Variants in LRRTM4 observed in about 807,000 individuals in gnomAD.
LRRTM4 encodes the protein leucine-rich repeat transmembrane neuronal protein 4.
A neutral mutation model predicts 47.6 loss-of-function variants in LRRTM4; 25 were observed. The observed-to-expected ratio is 0.53, with a 90% CI of 0.38 to 0.73. The LOEUF (loss-of-function observed/expected upper bound fraction) is 0.73, where lower values mean the gene tolerates loss of function less well. Ranked by LOEUF, LRRTM4 falls within the 30% of genes least tolerant of loss-of-function variation. The pLI, the probability that LRRTM4 is intolerant of heterozygous loss-of-function variation, is 0.00. For missense variants in LRRTM4, 638 were observed against 713.4 expected, an observed-to-expected ratio of 0.89 and a Z score of 1.20; for synonymous variants, 311 against 269.5, an observed-to-expected ratio of 1.15 and a Z score of -1.51.
chr2:77,085,873 G>A (rs796405898), intron 3 of LRRTM4, among the ~76,000 whole-genome samples: 1 of 152,066 alleles, frequency 6.6e-6, no homozygotes, highest in South Asian at 2.1e-4. Flanking sequence ...ATCTTTTAAA[G>A]ATTTCCTGTT....
chr2:76,797,465 G>C (rs928094197), intron 3 of LRRTM4, among the ~76,000 whole-genome samples: 1 of 151,890 alleles, frequency 6.6e-6, no homozygotes, highest in African/African-American at 2.4e-5. Flanking sequence ...CCTGAAGAAA[G>C]CACTAAACAT....
intron 3 of LRRTM4, 37 bp downstream of exon 3, chr2:77,518,281 G>C: frequency 2.0e-6 from 3 of 1,526,476 alleles, no homozygotes; most frequent in South Asian, 1.3e-5. Context: ...CTCCTTCCCC[G>C]CAGTAGAAAT....
At position 77,112,489 on chromosome 2, in the gene LRRTM4, T is replaced by G. The variant is rs1572973761; in HGVS notation, c.1552-363573A>C. Reference sequence around the variant, plus strand: ...TTGAAAGTAAGAGTAATTTTATCTTTTATATTGCTTCTGCAATTAATAAAT... The same window carrying G: ...TTGAAAGTAAGAGTAATTTTATCTTGTATATTGCTTCTGCAATTAATAAAT... On this transcript the variant is annotated intron_variant, in intron 3 of 3. Transcript: ENST00000409884. Among the ~76,000 whole-genome samples the G allele has an allele frequency of 2.6e-5, 4 of 152,182 alleles. No homozygotes were observed. The East Asian group carries it at 7.7e-4, about 29-fold the overall frequency.
intron 3 of LRRTM4, among the ~76,000 whole-genome samples, chr2:77,477,133 T>C (rs1677431583): frequency 6.6e-6 from 1 of 151,986 alleles, no homozygotes; most frequent in Non-Finnish European, 1.5e-5. Flanking sequence ...GAAGACAGAG[T>C]GTAGACCATA....
intron 3 of LRRTM4, among the ~76,000 whole-genome samples, chr2:77,412,288 A>C (rs1674473887): frequency 6.6e-6 from 1 of 152,324 alleles, no homozygotes; most frequent in East Asian, 1.9e-4. Context: ...ATTTGAAATA[A>C]ATAAACTTAT....
intron 3 of LRRTM4, among the ~76,000 whole-genome samples, chr2:76,787,219 CATGTTG>C (rs573578593): frequency 3.9e-5 from 6 of 151,930 alleles, no homozygotes; most frequent in Non-Finnish European, 5.9e-5. Flanking sequence ...ATCTGGGAAA[CATGTTG>C]ATTGTGTGGG....
At chr2:77,199,943 T>G (rs1419376877) in intron 3 of LRRTM4, among the ~76,000 whole-genome samples, 1 of 152,102 alleles carries the variant, frequency 6.6e-6, no homozygotes, top group Non-Finnish European at 1.5e-5. Flanking sequence ...TCAAAACTTT[T>G]GCTAACTTTT....
At chr2:77,271,541 GC>G (rs1222746133) in intron 3 of LRRTM4, among the ~76,000 whole-genome samples, 1 of 152,072 alleles carries the variant, frequency 6.6e-6, no homozygotes, top group Non-Finnish European at 1.5e-5. Flanking sequence ...AGTAGAGGGG[GC>G]ACCCCTGCTG....
chr2:77,047,789 T>C (rs980297112), intron 3 of LRRTM4, among the ~76,000 whole-genome samples: 1 of 152,076 alleles, frequency 6.6e-6, no homozygotes, highest in Non-Finnish European at 1.5e-5. Context: ...AGGACAAATT[T>C]CAACTCATAA....
intron 3 of LRRTM4, among the ~76,000 whole-genome samples, chr2:77,455,592 CTCT>C (rs951194169): frequency 2.0e-4 from 30 of 151,996 alleles, no homozygotes; most frequent in African/African-American, 6.8e-4. Flanking sequence ...ATTCTCAAAC[CTCT>C]TCTTTTCTCT....
rs186049127 is a variant in LRRTM4 at position 77,411,733 on chromosome 2, G to A, written c.1551+106585C>T. Among the ~76,000 whole-genome samples, 1,184 of 145,758 alleles carry A rather than the reference G, an allele frequency of 8.1e-3. 20 individuals are homozygous for A. The highest frequency in any genetic ancestry group is 0.03 in the African/African-American group (1,150 of 38,692). ...GATCTGCCTGCCTCAGCCTCCCAAAGTGCTGGGATTACAGATGTAAGCCAC... is the reference window on the plus strand; with the variant it reads ...GATCTGCCTGCCTCAGCCTCCCAAAATGCTGGGATTACAGATGTAAGCCAC... On this transcript the variant is annotated intron_variant, in intron 3 of 3. Transcript: ENST00000409884.
chr2:77,288,777 T>C (rs1558670013), intron 3 of LRRTM4, among the ~76,000 whole-genome samples: 1 of 152,072 alleles, frequency 6.6e-6, no homozygotes, highest in Non-Finnish European at 1.5e-5. Context: ...ATCCTGTGTA[T>C]CCTGTTTCCC....
intron 3 of LRRTM4, among the ~76,000 whole-genome samples, chr2:77,364,147 G>C (rs886356246): frequency 9.5e-5 from 14 of 147,156 alleles, no homozygotes; most frequent in African/African-American, 3.0e-4. Context: ...AAAAAAACAA[G>C]TTCTTGTTTA....
At chr2:77,072,817 A>AAAC in intron 3 of LRRTM4, among the ~76,000 whole-genome samples, 1 of 151,694 alleles carries the variant, frequency 6.6e-6, no homozygotes, top group South Asian at 2.1e-4. Context: ...AAAAAAAAAA[A>AAAC]AAAAAACAAA....
chr2:77,310,462 A>G (rs1192595364), intron 3 of LRRTM4, among the ~76,000 whole-genome samples: 1 of 152,160 alleles, frequency 6.6e-6, no homozygotes. Flanking sequence ...GTGTGTCTGT[A>G]GACTAGAGCT....
At chr2:77,225,254 C>T (rs1191642993) in intron 3 of LRRTM4, among the ~76,000 whole-genome samples, 1 of 150,168 alleles carries the variant, frequency 6.7e-6, no homozygotes, top group Non-Finnish European at 1.5e-5. Context: ...AGGAGATATA[C>T]CTAATGCTAA....
intron 3 of LRRTM4, among the ~76,000 whole-genome samples, chr2:77,070,212 T>G (rs1680106069): frequency 6.6e-6 from 1 of 152,082 alleles, no homozygotes; most frequent in South Asian, 2.1e-4. Flanking sequence ...AATTCATGCT[T>G]CTTACAGAGG....
intron 3 of LRRTM4, among the ~76,000 whole-genome samples, chr2:77,370,499 A>G (rs1209476594): frequency 1.3e-5 from 2 of 151,674 alleles, no homozygotes; most frequent in Non-Finnish European, 3.0e-5. Context: ...GGCTTCACTC[A>G]TTTTCAAACT....
intron 3 of LRRTM4, among the ~76,000 whole-genome samples, chr2:77,285,184 C>T (rs1195336867): frequency 1.3e-5 from 2 of 151,304 alleles, no homozygotes; most frequent in Non-Finnish European, 2.9e-5. Context: ...TAGAAAGCAA[C>T]CCTATACCTA....
Sources: gnomAD v4.1 joint callset for allele counts (sites outside exome capture counted in the v4.1 genomes callset) on GRCh38, gnomAD v4.1.1 for gene constraint, MANE v1.5 for transcripts, NCBI Gene and HGNC (gene_info 2026-07-23, HGNC 2026-07-21) for gene names.